Variants in C10orf90 observed in about 807,000 individuals in gnomAD.
C10orf90 encodes (E2-independent) E3 ubiquitin-conjugating enzyme FATS.
A neutral mutation model predicts 62.5 loss-of-function variants in C10orf90; 56 were observed. The observed-to-expected ratio is 0.90, with a 90% CI of 0.72 to 1.12. The LOEUF is 1.12. C10orf90 is among the 50% of genes most tolerant of loss of function. The pLI, the probability that C10orf90 is intolerant of heterozygous loss-of-function variation, is 0.00. For missense variants in C10orf90, 970 were observed against 880.4 expected (o/e 1.10, Z -1.29); for synonymous variants, 386 against 340.4 (o/e 1.13, Z -1.47).
chr10:126,663,422 T>G (rs1017443286), intron 1 of C10orf90, among the ~76,000 whole-genome samples: 1 of 152,238 alleles, frequency 6.6e-6, no homozygotes, highest in Admixed American at 6.5e-5. Flanking sequence ...CGCTCCTAAC[T>G]GTGTCACTGT....
At chr10:126,569,643 T>C (rs1454829647) in intron 2 of C10orf90, among the ~76,000 whole-genome samples, 1 of 152,186 alleles carries the variant, frequency 6.6e-6, no homozygotes, top group African/African-American at 2.4e-5. Context: ...AAAGAGGGTG[T>C]GTCTTGGGAA....
intron 4 of C10orf90, among the ~76,000 whole-genome samples, chr10:126,471,577 A>G (rs1284185812): frequency 1.3e-5 from 2 of 152,188 alleles, no homozygotes; most frequent in Non-Finnish European, 2.9e-5. Context: ...TATTATGCAA[A>G]TTCAGTGATC....
chr10:126,632,882 C>T (rs1047669406), intron 2 of C10orf90, among the ~76,000 whole-genome samples: 2 of 152,192 alleles, frequency 1.3e-5, no homozygotes, highest in African/African-American at 4.8e-5. Context: ...AGCTCACTGA[C>T]CCCACAAGCG....
intron 2 of C10orf90, among the ~76,000 whole-genome samples, chr10:126,535,434 G>A (rs1289913128): frequency 5.3e-5 from 8 of 151,562 alleles, no homozygotes; most frequent in African/African-American, 1.2e-4. Flanking sequence ...GGAGAGTGGC[G>A]TGAACCTGGG....
chr10:126,569,064 G>A (rs558271144), intron 2 of C10orf90, among the ~76,000 whole-genome samples: 2 of 152,260 alleles, frequency 1.3e-5, no homozygotes, highest in East Asian at 3.9e-4. Flanking sequence ...ACGTCAGCTG[G>A]CAGGAGGGTA....
chr10:126,512,624 C>T (rs1406456481), intron 3 of C10orf90, among the ~76,000 whole-genome samples: 2 of 152,116 alleles, frequency 1.3e-5, no homozygotes. Flanking sequence ...CCCCCATGCC[C>T]TTCCCTGACT....
intron 7 of C10orf90, among the ~76,000 whole-genome samples, chr10:126,457,704 C>G (rs1307173042): frequency 6.6e-6 from 1 of 152,160 alleles, no homozygotes; most frequent in African/African-American, 2.4e-5. Flanking sequence ...GGCACCATCA[C>G]CCAACACTGC....
At chr10:126,661,656 C>G (rs1437042373) in intron 1 of C10orf90, among the ~76,000 whole-genome samples, 1 of 149,860 alleles carries the variant, frequency 6.7e-6, no homozygotes, top group African/African-American at 2.5e-5. Flanking sequence ...GAATCTCACT[C>G]TTGCTCTCTC....
At chr10:126,616,289 C>T (rs1048892831) in intron 2 of C10orf90, among the ~76,000 whole-genome samples, 7 of 152,300 alleles carry the variant, frequency 4.6e-5, no homozygotes, top group African/African-American at 1.4e-4. Flanking sequence ...TCTGCAGTGG[C>T]CCTCTTCCGA....
intron 2 of C10orf90, among the ~76,000 whole-genome samples, chr10:126,516,931 C>G (rs534488215): frequency 6.6e-6 from 1 of 152,312 alleles, no homozygotes; most frequent in Admixed American, 6.5e-5. Context: ...CCTTATCTGA[C>G]TCTGACCCTT....
At chr10:126,542,120 T>G (rs1864389324) in intron 2 of C10orf90, among the ~76,000 whole-genome samples, 1 of 152,106 alleles carries the variant, frequency 6.6e-6, no homozygotes, top group Admixed American at 6.6e-5. Flanking sequence ...GTAGGTAAAT[T>G]TACAGAGATG....
chr10:126,653,463 T>C (rs1286438458), intron 1 of C10orf90, among the ~76,000 whole-genome samples: 3 of 152,244 alleles, frequency 2.0e-5, no homozygotes, highest in African/African-American at 7.2e-5. Context: ...TGTTCCTTCA[T>C]AAGAAGTGAC....
intron 2 of C10orf90, among the ~76,000 whole-genome samples, chr10:126,523,245 G>T (rs1240071160): frequency 6.6e-6 from 1 of 152,098 alleles, no homozygotes; most frequent in East Asian, 1.9e-4. Flanking sequence ...CTGGAGTGTG[G>T]GTCTCTCCTG....
At chr10:126,436,688 G>T (rs185118634) in intron 7 of C10orf90, among the ~76,000 whole-genome samples, 2 of 152,232 alleles carry the variant, frequency 1.3e-5, no homozygotes, top group African/African-American at 4.8e-5. Context: ...TTGAGCCAGG[G>T]TCTCACTCTG....
chr10:126,609,228 C>T (rs986984282), intron 2 of C10orf90, among the ~76,000 whole-genome samples: 1 of 152,130 alleles, frequency 6.6e-6, no homozygotes, highest in African/African-American at 2.4e-5. Flanking sequence ...CATGATGAAA[C>T]CCCGTCTCTG....
chr10:126,516,772 A>G (rs1264530586), intron 2 of C10orf90, among the ~76,000 whole-genome samples: 1 of 152,172 alleles, frequency 6.6e-6, no homozygotes, highest in African/African-American at 2.4e-5. Context: ...CAGAAGTCCA[A>G]CCTGGCCTCA....
intron 6 of C10orf90, among the ~76,000 whole-genome samples, chr10:126,460,531 A>G (rs1859903480): frequency 6.6e-6 from 1 of 152,240 alleles, no homozygotes; most frequent in Admixed American, 6.5e-5. Flanking sequence ...GCCAGCCACC[A>G]GGAACAGAGA....
chr10:126,631,490 T>C (rs142354254), intron 2 of C10orf90, among the ~76,000 whole-genome samples: 2 of 152,154 alleles, frequency 1.3e-5, no homozygotes, highest in East Asian at 3.9e-4. Context: ...TCTTATCTCT[T>C]TGTTGCAGTA....
chr10:126,642,660 C>T (rs1010491664), intron 2 of C10orf90, among the ~76,000 whole-genome samples: 7 of 152,136 alleles, frequency 4.6e-5, no homozygotes, highest in African/African-American at 9.7e-5. Flanking sequence ...TCTTCTCTCC[C>T]GCTGTAATCT....
Sources: gnomAD v4.1 joint callset for allele counts (sites outside exome capture counted in the v4.1 genomes callset) on GRCh38, gnomAD v4.1.1 for gene constraint, MANE v1.5 for transcripts, NCBI Gene and HGNC (gene_info 2026-07-23, HGNC 2026-07-21) for gene names.